Variants in SLC10A2 observed in about 807,000 individuals in gnomAD.
SLC10A2 encodes the protein ileal sodium/bile acid cotransporter.
In SLC10A2, 34 loss-of-function variants were observed where a neutral mutation model predicts 27.1. The observed-to-expected ratio is 1.26, with a 90% CI of 0.96 to 1.67. The LOEUF is 1.67. Among genes scored for constraint, SLC10A2 ranks in the 40% most tolerant of loss-of-function variants. The pLI, the probability that SLC10A2 is intolerant of heterozygous loss-of-function variation, is 0.00. For missense variants in SLC10A2, 530 were observed against 444.4 expected (o/e 1.19, Z -1.73); for synonymous variants, 205 against 174.0 (o/e 1.18, Z -1.40).
chr13:103,063,279 CAG>C, intron 1 of SLC10A2, among the ~76,000 whole-genome samples: 1 of 152,054 alleles, frequency 6.6e-6, no homozygotes, highest in East Asian at 1.9e-4. Context: ...TAAGAGATGA[CAG>C]AGTGAGAGAG....
In SLC10A2 at chr13:103,058,335, G is replaced by A. The variant is rs117447044; in HGVS notation, c.425C>T (p.Pro142Leu). 8.4e-4 allele frequency: 1,353 copies of A among 1,613,848 alleles called. 2 individuals carry two copies. Among genetic ancestry groups the A allele is most frequent in the Middle Eastern group, 4.5e-3 (27 of 6,058 alleles). ...TTTGGTATAGATAAGGAGGCACAGC[G>A]GCATCATTCCGAGGGCAAGCAGTGT... is the stretch of plus-strand genomic sequence containing the variant. ...CSTLLALGMM[P>L]LCLLIYTKMW... The change falls in exon 2 of 6, where the codon CCG becomes CTG. Residue 142 changes from proline to leucine, a missense_variant. Physicochemically the swap from Pro to Leu is moderately conservative, Grantham distance 98. Transcript: ENST00000245312.
At chr13:103,059,436 G>T (rs1292422731) in intron 1 of SLC10A2, among the ~76,000 whole-genome samples, 3 of 152,028 alleles carry the variant, frequency 2.0e-5, no homozygotes, top group African/African-American at 4.8e-5. Flanking sequence ...AGAAAGTCCT[G>T]CAAGAATCTG....
rs1875773765 is a variant in SLC10A2, at chr13:103,051,350, G to T, written c.668C>A (p.Ala223Asp). The T allele has an allele frequency of 1.2e-6, 2 of 1,614,086 alleles. No homozygotes were observed. Among genetic ancestry groups the T allele is most frequent in the Non-Finnish European group, 1.7e-6 (2 of 1,179,982 alleles). ...GILYQSAWII[A>D]PKLWIIGTIF... The stretch of plus-strand genomic sequence containing the variant: ...TGTTCCTATAATCCACAGTTTGGGA[G>T]CAATGATCCAGGCGCTTTGGTACAA... The change falls in exon 4 of 6, where the codon GCT becomes GAT. Residue 223 changes from alanine to aspartate, a missense_variant. Physicochemically the swap from Ala to Asp is moderately radical, Grantham distance 126. Coordinates refer to ENST00000245312, the MANE Select transcript of SLC10A2 (RefSeq NM_000452.3).
chr13:103,054,517 T>G (rs1257973853), intron 2 of SLC10A2, among the ~76,000 whole-genome samples: 1 of 152,208 alleles, frequency 6.6e-6, no homozygotes, highest in East Asian at 1.9e-4. Context: ...TAAATCTAGC[T>G]GCAAGTCCTG....
chr13:103,052,801 G>A (rs997980173), intron 2 of SLC10A2, 93 bp from the exon 3 acceptor site: 26 of 791,382 alleles, frequency 3.3e-5, no homozygotes, highest in Non-Finnish European at 4.9e-5. Flanking sequence ...AAGATTAGGT[G>A]GTATTTCAGT....
chr13:103,046,339 T>G (rs1386648746), intron 5 of SLC10A2, 79 bp from the exon 6 acceptor site: 3 of 1,197,606 alleles, frequency 2.5e-6, no homozygotes, highest in African/African-American at 1.5e-5. Context: ...GATTATAACC[T>G]ATGATTCACA....
Position 103,044,129 on chromosome 13 carries a change from GA to G in SLC10A2, c.*2003del, listed in dbSNP as rs1875538836. 1 of 152,120 alleles carries G rather than the reference GA, an allele frequency of 6.6e-6. No individual in the cohort carries two copies. Among genetic ancestry groups the G allele is most frequent in the East Asian group, 1.9e-4 (1 of 5,196 alleles). 9.4% of individuals were successfully genotyped at this position (152,120 alleles called of 1,614,324 possible). ...TTAAAAATAGAGAGCTATCATTTTA[GA>G]AAGCTCAGCTATTTTTCTTCCCACT... On this transcript the variant is annotated 3_prime_UTR_variant, in exon 6 of 6. Transcript: ENST00000245312.
Position 103,049,583 on chromosome 13 carries a change from A to C in SLC10A2, c.762-137T>G, listed in dbSNP as rs180787673. ...CATGTATTTAAGATAGGCTTATTCA[A>C]TATATAACTTTCTATGGAATAAGTG... On this transcript the variant is annotated intron_variant, in intron 4 of 5. Coordinates refer to ENST00000245312, the MANE Select transcript of SLC10A2 (RefSeq NM_000452.3). The C allele has an allele frequency of 6.9e-4, 559 of 806,548 alleles. 4 individuals are homozygous for C. The African/African-American group carries it at 8.9e-3, about 13-fold the overall frequency. The allele number at this position is 806,548 out of a possible 1,614,324, so 50.0% of individuals were successfully genotyped here.
At chr13:103,052,166 A>G (rs545071461) in intron 3 of SLC10A2, among the ~76,000 whole-genome samples, 1 of 152,348 alleles carries the variant, frequency 6.6e-6, no homozygotes, top group African/African-American at 2.4e-5. Context: ...GATATGTTCT[A>G]TTTTCTAAGA....
chr13:103,056,156 ACT>A (rs925656199), intron 2 of SLC10A2, among the ~76,000 whole-genome samples: 1 of 152,110 alleles, frequency 6.6e-6, no homozygotes, highest in Non-Finnish European at 1.5e-5. Flanking sequence ...TGTGAGGAGC[ACT>A]CTTTCTGCAG....
At chr13:103,056,113 A>G (rs1875929989) in intron 2 of SLC10A2, among the ~76,000 whole-genome samples, 1 of 152,174 alleles carries the variant, frequency 6.6e-6, no homozygotes, top group Non-Finnish European at 1.5e-5. Flanking sequence ...ACTTCCCTCC[A>G]TTGTTCAGGT....
intron 1 of SLC10A2, among the ~76,000 whole-genome samples, chr13:103,061,189 C>T (rs9518913): frequency 0.7 from 107,142 of 151,996 alleles, 38,617 homozygotes; most frequent in Non-Finnish European, 0.78. Context: ...TAAATTTAGG[C>T]ATGAAATAGA....
At chr13:103,058,128 G>A in intron 2 of SLC10A2, 136 bp downstream of exon 2, 1 of 758,014 alleles carries the variant, frequency 1.3e-6, no homozygotes, top group South Asian at 1.4e-5. Context: ...ACGCAGGGGT[G>A]ACTTTATAAT....
intron 1 of SLC10A2, among the ~76,000 whole-genome samples, chr13:103,064,434 C>A (rs1876213809): frequency 6.6e-6 from 1 of 152,118 alleles, no homozygotes; most frequent in Non-Finnish European, 1.5e-5. Flanking sequence ...TAGTCCAGTA[C>A]CACACACGTT....
chr13:103,056,142 C>T (rs1159902393), intron 2 of SLC10A2, among the ~76,000 whole-genome samples: 2 of 152,202 alleles, frequency 1.3e-5, no homozygotes, highest in Non-Finnish European at 2.9e-5. Flanking sequence ...ACCATTGTGC[C>T]ATCTGTGAGG....
chr13:103,049,389 G>A lies in SLC10A2; in HGVS notation c.819C>T (p.Ile273=), dbSNP rs771022638. 4 of 1,614,036 alleles carry A rather than the reference G, an allele frequency of 2.5e-6. No homozygotes were observed. Among genetic ancestry groups the A allele is most frequent in the East Asian group, 2.2e-5 (1 of 44,864 alleles). ...CCTCAGGAGTGAAGGAGAGCTGAAC[G>A]ATGGTGGAACATAGCTGCGTGTTCT... The part of the protein sequence containing the change: ...GMQNTQLCST[I]VQLSFTPEEL... Residue 273 remains isoleucine, a synonymous_variant, in exon 5 of 6, where the codon ATC becomes ATT. Coordinates refer to ENST00000245312, the MANE Select transcript of SLC10A2 (RefSeq NM_000452.3).
chr13:103,049,933 G>A (rs1875725415), intron 4 of SLC10A2, among the ~76,000 whole-genome samples: 2 of 152,132 alleles, frequency 1.3e-5, no homozygotes, highest in Admixed American at 1.3e-4. Context: ...TTGAGCCCAG[G>A]TGTCCAGGAG....
Position 103,046,197 on chromosome 13 carries a change from T to G in SLC10A2, c.983A>C (p.Asn328Thr). ...NKAEIPESKE[N>T]GTEPESSFYK... ...AAACGATGACTCTGGCTCCGTTCCA[T>G]TTTCTTTGCTCTCTGGAATTTCTGC... The change falls in exon 6 of 6, where the codon AAT becomes ACT. Residue 328 changes from asparagine (N) to threonine (T), a missense_variant. By Grantham distance (65) the Asn-to-Thr change is moderately conservative. Coordinates refer to ENST00000245312, the MANE Select transcript of SLC10A2 (RefSeq NM_000452.3). 6.2e-7 allele frequency: 1 copy of G among 1,613,930 alleles called. No individual in the cohort carries two copies. Among genetic ancestry groups the G allele is most frequent in the Non-Finnish European group, 8.5e-7 (1 of 1,179,836 alleles).
chr13:103,062,826 T>C (rs1196965561), intron 1 of SLC10A2, among the ~76,000 whole-genome samples: 8 of 152,090 alleles, frequency 5.3e-5, no homozygotes, highest in Non-Finnish European at 2.9e-5. Flanking sequence ...TGGGGGCAAC[T>C]GGGAGAAGGA....
Sources: gnomAD v4.1 joint callset for allele counts (sites outside exome capture counted in the v4.1 genomes callset) on GRCh38, gnomAD v4.1.1 for gene constraint, MANE v1.5 for transcripts, NCBI Gene and HGNC (gene_info 2026-07-23, HGNC 2026-07-21) for gene names.